Variants in TMEM117 observed in about 807,000 individuals in gnomAD.
TMEM117 encodes transmembrane protein 117.
Under a neutral mutation model 52.4 loss-of-function variants are expected in TMEM117, and 27 were observed. That is an observed-to-expected ratio of 0.51 (90% CI 0.38 to 0.71). The LOEUF (loss-of-function observed/expected upper bound fraction) is 0.71, where lower values mean the gene tolerates loss of function less well. Ranked by LOEUF, TMEM117 falls within the 30% of genes least tolerant of loss-of-function variation. The pLI is 0.00. For synonymous variants in TMEM117, 215 were observed against 206.3 expected, an observed-to-expected ratio of 1.04 and a Z score of -0.36; for missense variants, 556 against 630.5, an observed-to-expected ratio of 0.88 and a Z score of 1.26.
chr12:43,844,902 A>G lies in TMEM117; in HGVS notation c.251A>G (p.Lys84Arg), dbSNP rs1943174704. ...LAILTGLIAG[K>R]FLFHQRLFGQ... is the part of the protein sequence containing the mutation. ...ATTCTCACAGGACTAATAGCTGGCA[A>G]ATTTCTGTTCCATCAGCGTTTGTTT... Residue 84 changes from lysine (K) to arginine (R), a missense_variant, in exon 2 of 8, where the codon AAA becomes AGA. Transcript: ENST00000266534. 6.2e-6 allele frequency: 10 copies of G among 1,613,484 alleles called. No individual in the cohort carries two copies. Among genetic ancestry groups the G allele is most frequent in the African/African-American group, 1.3e-5 (1 of 74,878 alleles).
intron 6 of TMEM117, among the ~76,000 whole-genome samples, chr12:44,318,936 C>T (rs916423393): frequency 6.6e-6 from 1 of 152,204 alleles, no homozygotes; most frequent in Non-Finnish European, 1.5e-5. Context: ...GAGCTCCCAG[C>T]AAGGTCACAC....
chr12:43,829,699 C>T, the TMEM117 span, among the ~76,000 whole-genome samples: 1 of 152,180 alleles, frequency 6.6e-6, no homozygotes, highest in African/African-American at 2.4e-5. Flanking sequence ...CAGTCACATT[C>T]CTGTTTATGA....
At chr12:44,379,940 C>T (rs1592730639) in intron 7 of TMEM117, among the ~76,000 whole-genome samples, 1 of 152,122 alleles carries the variant, frequency 6.6e-6, no homozygotes, top group Admixed American at 6.5e-5. Flanking sequence ...ACCTGGAGAA[C>T]TTATTTAAAA....
At chr12:44,132,142 C>T (rs1238792887) in intron 3 of TMEM117, among the ~76,000 whole-genome samples, 1 of 150,680 alleles carries the variant, frequency 6.6e-6, no homozygotes, top group Non-Finnish European at 1.5e-5. Flanking sequence ...ACTGGGAGAC[C>T]CTCAATTGTT....
chr12:43,809,899 A>G, the TMEM117 span, among the ~76,000 whole-genome samples: 11 of 152,342 alleles, frequency 7.2e-5, no homozygotes, highest in South Asian at 1.9e-3. Context: ...AATGGAATAT[A>G]TAAGATAAAA....
At chr12:44,164,198 T>G (rs1441544104) in intron 4 of TMEM117, among the ~76,000 whole-genome samples, 1 of 152,172 alleles carries the variant, frequency 6.6e-6, no homozygotes, top group African/African-American at 2.4e-5. Context: ...TTCAATGAAT[T>G]TATTAATATC....
intron 3 of TMEM117, among the ~76,000 whole-genome samples, chr12:44,142,310 T>C (rs955056489): frequency 6.6e-6 from 1 of 152,202 alleles, no homozygotes; most frequent in Non-Finnish European, 1.5e-5. Context: ...ATTTTGGGGT[T>C]GTCCTTAAAA....
the TMEM117 span, among the ~76,000 whole-genome samples, chr12:43,826,805 A>C: frequency 1.3e-5 from 2 of 152,120 alleles, no homozygotes; most frequent in Admixed American, 6.6e-5. Flanking sequence ...TGCAAGCCTC[A>C]TTCTAATAGA....
At chr12:44,063,838 G>T (rs1320394975) in intron 3 of TMEM117, among the ~76,000 whole-genome samples, 1 of 152,144 alleles carries the variant, frequency 6.6e-6, no homozygotes, top group African/African-American at 2.4e-5. Context: ...GCATGGCTCT[G>T]AGGGAGAGAA....
At chr12:44,167,397 G>A (rs778158294) in intron 4 of TMEM117, among the ~76,000 whole-genome samples, 3 of 152,142 alleles carry the variant, frequency 2.0e-5, no homozygotes, top group East Asian at 1.9e-4. Context: ...GGCTGGGCGC[G>A]GTGGGTCACG....
At chr12:43,971,283 C>G (rs1206708890) in intron 3 of TMEM117, among the ~76,000 whole-genome samples, 1 of 152,150 alleles carries the variant, frequency 6.6e-6, no homozygotes, top group Non-Finnish European at 1.5e-5. Flanking sequence ...GGTAATTCCT[C>G]TAAAACATTT....
the TMEM117 span, among the ~76,000 whole-genome samples, chr12:43,806,859 A>G: frequency 6.6e-6 from 1 of 152,212 alleles, no homozygotes; most frequent in Non-Finnish European, 1.5e-5. Context: ...GGACACATTT[A>G]GAGACTCAGT....
chr12:44,051,782 C>A (rs1592475381), intron 3 of TMEM117, among the ~76,000 whole-genome samples: 1 of 152,104 alleles, frequency 6.6e-6, no homozygotes, highest in African/African-American at 2.4e-5. Flanking sequence ...GAAAGTTACC[C>A]CACTCATTAT....
At chr12:43,913,210 G>A (rs1167501913) in intron 2 of TMEM117, among the ~76,000 whole-genome samples, 1 of 152,124 alleles carries the variant, frequency 6.6e-6, no homozygotes, top group African/African-American at 2.4e-5. Flanking sequence ...TGGGTCCTTG[G>A]ACTCCAGGTA....
At chr12:44,054,583 G>GT (rs1565809380) in intron 3 of TMEM117, among the ~76,000 whole-genome samples, 1 of 152,074 alleles carries the variant, frequency 6.6e-6, no homozygotes, top group African/African-American at 2.4e-5. Context: ...TGCAAACTGT[G>GT]TTTTAAATAT....
chr12:44,175,863 T>C (rs969413139), intron 4 of TMEM117, among the ~76,000 whole-genome samples: 3 of 152,154 alleles, frequency 2.0e-5, no homozygotes, highest in Admixed American at 6.5e-5. Context: ...CAGATGTTTA[T>C]TGGTTTAATT....
chr12:43,924,616 T>A (rs1366060005), intron 2 of TMEM117, among the ~76,000 whole-genome samples: 2 of 152,338 alleles, frequency 1.3e-5, no homozygotes, highest in Admixed American at 6.5e-5. Context: ...ATTTACCCTA[T>A]GAATATTGTA....
At chr12:43,892,275 C>A (rs918016059) in intron 2 of TMEM117, among the ~76,000 whole-genome samples, 9 of 152,310 alleles carry the variant, frequency 5.9e-5, no homozygotes, top group Admixed American at 5.2e-4. Flanking sequence ...ACACTTAATT[C>A]CCTCAGCAAG....
intron 5 of TMEM117, among the ~76,000 whole-genome samples, chr12:44,235,328 T>G (rs1949982573): frequency 6.6e-6 from 1 of 151,740 alleles, no homozygotes; most frequent in South Asian, 2.1e-4. Context: ...TTTAAATGTT[T>G]CCTGTTAAAT....
Sources: allele counts gnomAD v4.1 joint callset (sites outside exome capture counted in the v4.1 genomes callset), GRCh38; gene constraint gnomAD v4.1.1; transcripts MANE v1.5; gene names NCBI Gene and HGNC (gene_info 2026-07-23, HGNC 2026-07-21).